ONECUT1: variants seen among roughly 807,000 people sequenced by gnomAD.
The protein encoded by ONECUT1 is hepatocyte nuclear factor 6.
ONECUT1 carries 12 observed loss-of-function variants against 25.6 expected under a neutral mutation model. That is an observed-to-expected ratio of 0.47 (90% confidence interval 0.30 to 0.76). ONECUT1 has a LOEUF of 0.76. ONECUT1 is among the 30% of genes least tolerant of loss of function. The pLI is 0.07. For synonymous variants in ONECUT1, 285 were observed against 270.2 expected, an observed-to-expected ratio of 1.05 and a Z score of -0.54; for missense variants, 620 against 651.2, an observed-to-expected ratio of 0.95 and a Z score of 0.52.
At position 52,784,035 on chromosome 15, in the gene ONECUT1, T is replaced by G. The variant is rs1294990416; in HGVS notation, c.1105+4745A>C. ...GCGCAGCAAGCATCCCTTTCTTCGC[T>G]GCCGCGGGCTGAACCACGGACGCTC... On this transcript the variant is annotated intron_variant, in intron 1 of 1. Coordinates refer to ENST00000305901, the MANE Select transcript of ONECUT1 (RefSeq NM_004498.4). This position sits in a 1 kb window ranked among gnomAD's most constrained non-coding sequence, Gnocchi z 5.0. 2.6e-5 allele frequency among the ~76,000 whole-genome samples: 4 copies of G among 152,214 alleles called. No individual in the cohort carries two copies. Among genetic ancestry groups the G allele is most frequent in the African/African-American group, 9.6e-5 (4 of 41,454 alleles).
In ONECUT1 at chr15:52,789,432, G is replaced by A. The variant is rs1222619394; in HGVS notation, c.453C>T (p.Leu151=). The A allele has an allele frequency of 6.2e-7, 1 of 1,613,972 alleles. No homozygotes were observed. The highest frequency in any genetic ancestry group is 8.5e-7 in the Non-Finnish European group (1 of 1,180,016). The part of the protein sequence containing the change: ...LAGNVSGSFT[L]MRDERGLASM... ...AGGCCAGCCCGCGCTCATCCCGCAT[G>A]AGCGTGAAGCTACCGCTCACGTTGC... The change falls in exon 1 of 2, where the codon CTC becomes CTT. Residue 151 remains leucine (L), a synonymous_variant. Coordinates refer to ENST00000305901, the MANE Select transcript of ONECUT1 (RefSeq NM_004498.4). The surrounding 1 kb of genome is among the most constrained non-coding windows in gnomAD (Gnocchi z 4.1).
At chr15:52,770,642 C>G (rs942271392) in intron 1 of ONECUT1, among the ~76,000 whole-genome samples, 31 of 152,158 alleles carry the variant, frequency 2.0e-4, no homozygotes, top group Non-Finnish European at 5.9e-5. Context: ...CCTATACCTA[C>G]TGTCTCTGAG....
At chr15:52,786,636 G>C (rs2083876639) in intron 1 of ONECUT1, among the ~76,000 whole-genome samples, 1 of 152,368 alleles carries the variant, frequency 6.6e-6, no homozygotes, top group Non-Finnish European at 1.5e-5. Context: ...CAGCACTCAG[G>C]CTCCCTCCCC....
rs548196047 is a variant in ONECUT1 at position 52,772,380 on chromosome 15, C to T, written c.1106-14533G>A. Among the ~76,000 whole-genome samples, 474 of 135,330 alleles carry T rather than the reference C, an allele frequency of 3.5e-3. 1 individual carries two copies. The highest frequency in any genetic ancestry group is 5.4e-3 in the Non-Finnish European group (353 of 65,148). The allele number at this position is 135,330 out of a possible 152,430, so 88.8% of individuals were successfully genotyped here. A position where few individuals can be genotyped will look rare whatever the true frequency, so the allele number is the denominator to read the frequency against. ...CTGCACTCCAGCCTGGGCGACAGAG[C>T]GAGACTCCATCTAAAAAAAAAAAAA... On this transcript the variant is annotated intron_variant, in intron 1 of 1. Transcript: ENST00000305901.
Position 52,757,813 on chromosome 15 carries a change from A to G in ONECUT1, c.1140T>C (p.Asp380=). 3.7e-6 allele frequency: 6 copies of G among 1,614,038 alleles called. No individual in the cohort carries two copies. Among genetic ancestry groups the G allele is most frequent in the Non-Finnish European group, 5.1e-6 (6 of 1,179,974 alleles). Residue 380 remains aspartate (D), a synonymous_variant, in exon 2 of 2, where the codon GAT becomes GAC. Transcript: ENST00000305901. ...CKRKEQEHGK[D]RGNTPKKPRL... is the part of the protein sequence containing the mutation. ...TGGGCTTTTTGGGTGTGTTGCCTCT[A>G]TCCTTCCCATGTTCTTGTTCTTTCC... is the stretch of plus-strand genomic sequence containing the variant.
intron 1 of ONECUT1, 148 bp from the exon 2 acceptor site, chr15:52,757,995 G>A: frequency 1.2e-6 from 1 of 818,086 alleles, no homozygotes; most frequent in Non-Finnish European, 1.9e-6. Flanking sequence ...GAGGCTGGGA[G>A]GAAAGTGTAA....
At chr15:52,765,931 A>G (rs1469545789) in intron 1 of ONECUT1, among the ~76,000 whole-genome samples, 1 of 152,232 alleles carries the variant, frequency 6.6e-6, no homozygotes, top group Non-Finnish European at 1.5e-5. Flanking sequence ...TTTGCATGGG[A>G]AGCAAAGTCC....
rs1283898810 is a variant in ONECUT1, at chr15:52,784,992, G to C, written c.1105+3788C>G. Among the ~76,000 whole-genome samples, 5 of 152,348 alleles carry C rather than the reference G, an allele frequency of 3.3e-5. No individual in the cohort carries two copies. In the East Asian group the frequency reaches 9.7e-4, roughly 29 times the overall value. On this transcript the variant is annotated intron_variant, in intron 1 of 1. Coordinates refer to ENST00000305901, the MANE Select transcript of ONECUT1 (RefSeq NM_004498.4). The surrounding 1 kb of genome is among the most constrained non-coding windows in gnomAD (Gnocchi z 5.0). ...AGCTGCGCGACACCAGACCCACAGC[G>C]CCAAGACGCGAAGCGCGAGGAAACC...
intron 1 of ONECUT1, among the ~76,000 whole-genome samples, chr15:52,786,286 CTG>C (rs1365710661): frequency 6.6e-6 from 1 of 152,238 alleles, no homozygotes; most frequent in African/African-American, 2.4e-5. Context: ...TGTGAAGAGA[CTG>C]TTCCTGGTTC....
rs1169960027 is a variant in ONECUT1, at chr15:52,756,745, G to C, written c.*810C>G. 6.6e-6 allele frequency among the ~76,000 whole-genome samples: 1 copy of C among 152,190 alleles called. No homozygotes were observed. Among genetic ancestry groups the C allele is most frequent in the Non-Finnish European group, 1.5e-5 (1 of 68,028 alleles). ...ATAGTCATGATTCTATGTGGCATGTGTATTACAGCTAGATCAGTTCATACG... is the reference window on the plus strand; with the variant it reads ...ATAGTCATGATTCTATGTGGCATGTCTATTACAGCTAGATCAGTTCATACG... On this transcript the variant is annotated 3_prime_UTR_variant, in exon 2 of 2. Coordinates refer to ENST00000305901, the MANE Select transcript of ONECUT1 (RefSeq NM_004498.4).
At chr15:52,765,309 T>C (rs1275743846) in intron 1 of ONECUT1, among the ~76,000 whole-genome samples, 2 of 152,208 alleles carry the variant, frequency 1.3e-5, no homozygotes, top group Non-Finnish European at 2.9e-5. Context: ...TTGAATTCTA[T>C]GGTATGTGAA....
At chr15:52,781,061 T>C (rs78745794) in intron 1 of ONECUT1, 4,015 of 204,984 alleles carry the variant, frequency 0.02, 178 homozygotes, top group African/African-American at 0.088. Context: ...ATCTTTGAAA[T>C]AGCAAGGCAG....
At chr15:52,777,884 C>T (rs2083814531) in intron 1 of ONECUT1, among the ~76,000 whole-genome samples, 1 of 152,076 alleles carries the variant, frequency 6.6e-6, no homozygotes, top group Admixed American at 6.5e-5. Flanking sequence ...CTCTTTTTTC[C>T]ATATTTAATG....
At position 52,789,769 on chromosome 15, in the gene ONECUT1, G is replaced by C. The variant is rs1318066933; in HGVS notation, c.116C>G (p.Ala39Gly). The C allele has an allele frequency of 4.3e-6, 6 of 1,408,066 alleles. No individual in the cohort carries two copies. The allele number at this position is 1,408,066 out of a possible 1,614,324, so 87.2% of individuals were successfully genotyped here. A position where few individuals can be genotyped will look rare whatever the true frequency, so the allele number is the denominator to read the frequency against. The stretch of plus-strand genomic sequence containing the variant: ...GGGGGGCAGGTGGCTGCCGCGGTGC[G>C]CCACGGAGCTGCGCGCGTGGGGGCT... ...GGSPHARSSV[A>G]HRGSHLPPAH... Residue 39 changes from alanine (A) to glycine (G), a missense_variant, in exon 1 of 2, where the codon GCG becomes GGG. Physicochemically the swap from Ala to Gly is moderately conservative, Grantham distance 60. This residue lies in a region of ONECUT1 where 440 missense variants were observed against 404.9 expected (regional missense o/e 1.09). Coordinates refer to ENST00000305901, the MANE Select transcript of ONECUT1 (RefSeq NM_004498.4). This position sits in a 1 kb window ranked among gnomAD's most constrained non-coding sequence, Gnocchi z 4.1.
chr15:52,775,464 C>A (rs987569219), intron 1 of ONECUT1, among the ~76,000 whole-genome samples: 2 of 142,938 alleles, frequency 1.4e-5, no homozygotes, highest in African/African-American at 5.3e-5. Context: ...CACACACACA[C>A]ACACACACAC....
rs1253001099 is a variant in ONECUT1 at position 52,757,611 on chromosome 15, C to T, written c.1342G>A (p.Gly448Ser). The change falls in exon 2 of 2, where the codon GGC (glycine) becomes AGC (serine). Residue 448 changes from glycine (G) to serine (S), a missense_variant. Gly to Ser is a moderately conservative substitution (Grantham distance 56). Around this residue, in one of 4 missense-constraint regions of ONECUT1, gnomAD observed 30 missense variants for 25.1 expected, o/e 1.20. Transcript: ENST00000305901. ...GATGAGTTGCCTGAATTGGAGCTGC[C>T]CTCGTCCTGCCACTTGTCCAGACTC... Reference protein sequence around the residue: ...RRSLDKWQDEGSSNSGNSSSS... With the variant: ...RRSLDKWQDESSSNSGNSSSS... 5.6e-6 allele frequency: 9 copies of T among 1,614,060 alleles called. No homozygotes were observed. The highest frequency in any genetic ancestry group is 7.6e-6 in the Non-Finnish European group (9 of 1,180,018).
rs1370694948 is a variant in ONECUT1, at chr15:52,777,731, C to CAAAAAAAAAAAAAA, written c.1105+11048_1105+11049insTTTTTTTTTTTTTT. ...ACACACACACACACACACACACACA[C>CAAAAAAAAAAAAAA]ACACACAAAAAAACATGTAAAGTTA... is the stretch of plus-strand genomic sequence containing the variant. On this transcript the variant is annotated intron_variant, in intron 1 of 1. Coordinates refer to ENST00000305901, the MANE Select transcript of ONECUT1 (RefSeq NM_004498.4). Among the ~76,000 whole-genome samples the CAAAAAAAAAAAAAA allele has an allele frequency of 2.1e-4, 18 of 84,234 alleles. 1 individual carries two copies. Among genetic ancestry groups the CAAAAAAAAAAAAAA allele is most frequent in the East Asian group, 1.2e-3 (2 of 1,622 alleles). The allele number at this position is 84,234 out of a possible 152,430, so 55.3% of individuals were successfully genotyped here.
intron 1 of ONECUT1, among the ~76,000 whole-genome samples, chr15:52,772,014 A>G (rs533294411): frequency 6.6e-6 from 1 of 152,302 alleles, no homozygotes; most frequent in East Asian, 1.9e-4. Context: ...GACTGGGCCC[A>G]GGTAACCCTC....
Position 52,789,505 on chromosome 15 carries a change from T to C in ONECUT1, c.380A>G (p.His127Arg). ...TVSDKFPHHHHHHHHHHHPHH... is the reference protein window; with the variant it reads ...TVSDKFPHHHRHHHHHHHPHH... ...CGGGTGGTGGTGGTGATGGTGGTGGTGGTGATGGTGGGGGAACTTGTCCGA... is the reference window on the plus strand; with the variant it reads ...CGGGTGGTGGTGGTGATGGTGGTGGCGGTGATGGTGGGGGAACTTGTCCGA... The change falls in exon 1 of 2, where the codon CAC (histidine) becomes CGC (arginine). Residue 127 changes from histidine to arginine, a missense_variant. This residue lies in a region of ONECUT1 where 440 missense variants were observed against 404.9 expected (regional missense o/e 1.09). Transcript: ENST00000305901. The surrounding 1 kb of genome is among the most constrained non-coding windows in gnomAD (Gnocchi z 4.1). 1 of 1,610,510 alleles carries C rather than the reference T, an allele frequency of 6.2e-7. No homozygotes were observed. The highest frequency in any genetic ancestry group is 1.7e-4 in the Middle Eastern group (1 of 6,032).
Sources: gnomAD v4.1 joint callset for allele counts (sites outside exome capture counted in the v4.1 genomes callset) on GRCh38, gnomAD v4.1.1 for gene constraint, gnomAD v4.1.1 regional missense constraint, Gnocchi (gnomAD v3.1) non-coding constraint, MANE v1.5 for transcripts, NCBI Gene and HGNC (gene_info 2026-07-23, HGNC 2026-07-21) for gene names.